VPS37A: variants seen among roughly 807,000 people sequenced by gnomAD.
VPS37A encodes vacuolar protein sorting-associated protein 37A.
In VPS37A, 30 loss-of-function variants were observed where a neutral mutation model predicts 49.8. The ratio of observed to expected loss-of-function variants is 0.60; its 90% CI spans 0.45 to 0.82. VPS37A has a LOEUF of 0.82. Ranked by LOEUF, VPS37A falls within the 40% of genes least tolerant of loss-of-function variation. The pLI, the probability that VPS37A is intolerant of heterozygous loss-of-function variation, is 0.00. For missense variants in VPS37A, 593 were observed against 464.4 expected (o/e 1.28, Z -2.55); for synonymous variants, 195 against 160.6 (o/e 1.21, Z -1.62).
At chr8:17,319,647 T>C in the VPS37A span, among the ~76,000 whole-genome samples, 1 of 152,126 alleles carries the variant, frequency 6.6e-6, no homozygotes, top group Non-Finnish European at 1.5e-5. Context: ...CCTCAAACAA[T>C]CATTCTGAGG....
chr8:17,289,757 G>T (rs188782854), intron 11 of VPS37A, among the ~76,000 whole-genome samples: 2 of 152,196 alleles, frequency 1.3e-5, no homozygotes, highest in African/African-American at 4.8e-5. Context: ...ATGGTAGCTC[G>T]ATGGGAACAG....
chr8:17,266,754 C>T (rs760212885), intron 2 of VPS37A, among the ~76,000 whole-genome samples: 4 of 152,032 alleles, frequency 2.6e-5, no homozygotes, highest in Admixed American at 1.3e-4. Flanking sequence ...GCTGTGTTAA[C>T]GATATATATG....
rs1055286098 is a variant in VPS37A at position 17,261,780 on chromosome 8, C to T, written c.126-4127C>T. ...CCAACAGTGTGGGAAGGCTGGCAAA[C>T]GGTTCCTGCCCATGGTTTCTGTGGA... On this transcript the variant is annotated intron_variant, in intron 1 of 11. Coordinates refer to ENST00000324849, the MANE Select transcript of VPS37A (RefSeq NM_152415.3). Among the ~76,000 whole-genome samples, 8 of 152,190 alleles carry T rather than the reference C, an allele frequency of 5.3e-5. No homozygotes were observed. In the South Asian group the frequency reaches 6.2e-4, roughly 12 times the overall value.
At chr8:17,319,293 A>G in the VPS37A span, among the ~76,000 whole-genome samples, 1 of 152,194 alleles carries the variant, frequency 6.6e-6, no homozygotes, top group Non-Finnish European at 1.5e-5. Context: ...TGAAGATGAA[A>G]TAATACCAAT....
chr8:17,260,025 C>T (rs1199839439), intron 1 of VPS37A, among the ~76,000 whole-genome samples: 1 of 152,032 alleles, frequency 6.6e-6, no homozygotes, highest in East Asian at 1.9e-4. Context: ...ATCCATTCAG[C>T]CACTTAATGC....
chr8:17,248,581 C>A (rs1489692710), intron 1 of VPS37A, among the ~76,000 whole-genome samples: 1 of 152,016 alleles, frequency 6.6e-6, no homozygotes, highest in African/African-American at 2.4e-5. Flanking sequence ...GGGCTCCTAG[C>A]CCTTTTAAAA....
At chr8:17,288,970 G>C (rs1309426058) in intron 11 of VPS37A, among the ~76,000 whole-genome samples, 1 of 152,194 alleles carries the variant, frequency 6.6e-6, no homozygotes, top group African/African-American at 2.4e-5. Context: ...CTAGTGACCA[G>C]TGATGATGAG....
intron 11 of VPS37A, 129 bp downstream of exon 11, chr8:17,286,556 CAT>C: frequency 2.9e-6 from 2 of 699,668 alleles, no homozygotes; most frequent in Non-Finnish European, 2.4e-6. Flanking sequence ...TGCTATGTAA[CAT>C]AGAATGCTTT....
At chr8:17,250,006 C>G (rs1323135624) in intron 1 of VPS37A, among the ~76,000 whole-genome samples, 1 of 152,168 alleles carries the variant, frequency 6.6e-6, no homozygotes, top group Non-Finnish European at 1.5e-5. Context: ...TTCTTGGCTT[C>G]TCTGTATAAC....
intron 9 of VPS37A, among the ~76,000 whole-genome samples, 167 bp downstream of exon 9, chr8:17,280,610 C>T (rs191739262): frequency 6.6e-6 from 1 of 151,998 alleles, no homozygotes; most frequent in Non-Finnish European, 1.5e-5. Flanking sequence ...GATGAGGCAT[C>T]ATACATTATT....
At chr8:17,282,142 C>T (rs763363182) in intron 9 of VPS37A, among the ~76,000 whole-genome samples, 1 of 151,844 alleles carries the variant, frequency 6.6e-6, no homozygotes, top group Non-Finnish European at 1.5e-5. Context: ...TATCAGAATA[C>T]ACTGTAAATC....
intron 11 of VPS37A, among the ~76,000 whole-genome samples, chr8:17,291,098 C>T (rs561299587): frequency 6.6e-6 from 1 of 152,264 alleles, no homozygotes; most frequent in South Asian, 2.1e-4. Flanking sequence ...ACTGCAGCCT[C>T]CGCCTCCCAG....
In VPS37A at chr8:17,274,827, A is replaced by C; in HGVS notation, c.511A>C (p.Thr171Pro). 1 of 1,614,120 alleles carries C rather than the reference A, an allele frequency of 6.2e-7. No homozygotes were observed. The highest frequency in any genetic ancestry group is 8.5e-7 in the Non-Finnish European group (1 of 1,180,008). ...TCCACAAGAAGCAAACAGGAGTATC[A>C]CTTCTTTATCTGTTGCTGACACTGT... ...YPPQEANRSI[T>P]SLSVADTVSS... Residue 171 changes from threonine (T) to proline (P), a missense_variant, in exon 5 of 12, where the codon ACT becomes CCT. Transcript: ENST00000324849.
chr8:17,308,186 GGT>G, the VPS37A span, among the ~76,000 whole-genome samples: 1 of 151,440 alleles, frequency 6.6e-6, no homozygotes, highest in South Asian at 2.1e-4. Flanking sequence ...AAAAAAAAAA[GGT>G]TGCCTAATAT....
downstream of VPS37A, among the ~76,000 whole-genome samples, chr8:17,303,991 TA>T (rs1201270452): frequency 6.6e-6 from 1 of 152,206 alleles, no homozygotes; most frequent in East Asian, 1.9e-4. Flanking sequence ...CTTTTTGTTG[TA>T]TAACGGCAAA....
intron 1 of VPS37A, among the ~76,000 whole-genome samples, chr8:17,251,862 C>G (rs1812010726): frequency 6.6e-6 from 1 of 152,156 alleles, no homozygotes; most frequent in Admixed American, 6.5e-5. Context: ...CTTAAAACTT[C>G]TTGTAGAGTC....
downstream of VPS37A, chr8:17,305,981 T>G: frequency 6.4e-7 from 1 of 1,553,874 alleles, no homozygotes; most frequent in Non-Finnish European, 8.8e-7. Flanking sequence ...CATTAGAGAC[T>G]TTTTAAGGCA....
At chr8:17,287,546 C>T (rs1815723406) in intron 11 of VPS37A, among the ~76,000 whole-genome samples, 1 of 151,898 alleles carries the variant, frequency 6.6e-6, no homozygotes, top group Non-Finnish European at 1.5e-5. Flanking sequence ...GGCATGGTGG[C>T]AGGCACCTGT....
chr8:17,265,984 G>A lies in VPS37A; in HGVS notation c.200+3G>A. 2 of 1,607,912 alleles carry A rather than the reference G, an allele frequency of 1.2e-6. No individual in the cohort carries two copies. The highest frequency in any genetic ancestry group is 8.5e-7 in the Non-Finnish European group (1 of 1,177,020). On this transcript the variant is annotated splice_donor_region_variant and intron_variant, in intron 2 of 11. Coordinates refer to ENST00000324849, the MANE Select transcript of VPS37A (RefSeq NM_152415.3). The stretch of plus-strand genomic sequence containing the variant: ...AACCTGACAATTAACATTAATATGT[G>A]AGTAGAATTGTATCCTACTTTTTCA...
Sources: allele counts gnomAD v4.1 joint callset (sites outside exome capture counted in the v4.1 genomes callset), GRCh38; gene constraint gnomAD v4.1.1; transcripts MANE v1.5; gene names NCBI Gene and HGNC (gene_info 2026-07-23, HGNC 2026-07-21).